The following SLC51B variants were observed in gnomAD, a reference collection of about 807,000 sequenced individuals.
SLC51B encodes organic solute transporter subunit beta.
SLC51B carries 6 observed loss-of-function variants against 8.0 expected under a neutral mutation model. That is an observed-to-expected ratio of 0.75 (90% confidence interval 0.41 to 1.48). The LOEUF (loss-of-function observed/expected upper bound fraction) is 1.48, where lower values mean the gene tolerates loss of function less well. Ranked by LOEUF, SLC51B falls within the 40% of genes most tolerant of loss-of-function variation. SLC51B has a pLI of 0.01. For synonymous variants in SLC51B, 61 were observed against 54.8 expected, an observed-to-expected ratio of 1.11 and a Z score of -0.50; for missense variants, 150 against 149.7, an observed-to-expected ratio of 1.00 and a Z score of -0.01.
chr15:65,048,379 C>G (rs1306494965), intron 1 of SLC51B, among the ~76,000 whole-genome samples: 2 of 152,094 alleles, frequency 1.3e-5, no homozygotes, highest in African/African-American at 4.8e-5. Flanking sequence ...CTAGAGGAAA[C>G]TCTGATGTAA....
chr15:65,046,402 G>C (rs1167641158), intron 1 of SLC51B, among the ~76,000 whole-genome samples: 1 of 152,146 alleles, frequency 6.6e-6, no homozygotes, highest in Non-Finnish European at 1.5e-5. Flanking sequence ...CCTGGGAGGT[G>C]GAGGTTGCAG....
intron 2 of SLC51B, 54 bp downstream of exon 2, chr15:65,050,155 CAG>C: frequency 7.0e-7 from 1 of 1,432,328 alleles, no homozygotes; most frequent in South Asian, 1.3e-5. Context: ...CAACACAGAG[CAG>C]AGTTTGGCTG....
chr15:65,051,904 C>T (rs1000552319), intron 3 of SLC51B, among the ~76,000 whole-genome samples: 11 of 152,340 alleles, frequency 7.2e-5, no homozygotes, highest in African/African-American at 2.6e-4. Context: ...TATCAGCACA[C>T]ATGCACCTCA....
chr15:65,047,215 A>G (rs544058319), intron 1 of SLC51B, among the ~76,000 whole-genome samples: 1 of 150,616 alleles, frequency 6.6e-6, no homozygotes, highest in African/African-American at 2.4e-5. Context: ...ACATGCCTGT[A>G]GTCCCAGCTA....
chr15:65,045,801 A>C (rs572378675), intron 1 of SLC51B, among the ~76,000 whole-genome samples: 86 of 152,272 alleles, frequency 5.6e-4, no homozygotes, highest in Non-Finnish European at 1.2e-3. Flanking sequence ...TAAGGCATAA[A>C]GTTTAATTTA....
rs866314542 is a variant in SLC51B at position 65,051,548 on chromosome 15, C to A, written c.131C>A (p.Ala44Glu). The A allele has an allele frequency of 1.2e-6, 2 of 1,613,774 alleles. No homozygotes were observed. Among genetic ancestry groups the A allele is most frequent in the Non-Finnish European group, 1.7e-6 (2 of 1,179,806 alleles). Residue 44 changes from alanine to glutamate, a missense_variant, in exon 3 of 4, where the codon GCA (alanine) becomes GAA (glutamate). Transcript: ENST00000334287. Reference sequence around the variant, plus strand: ...TGGAATCATTCCATCCTTGCCCTGGCAGCTGTGGTGGTCATTATAAGCATG... The same window carrying A: ...TGGAATCATTCCATCCTTGCCCTGGAAGCTGTGGTGGTCATTATAAGCATG... ...SPWNHSILAL[A>E]AVVVIISMVL... is the part of the protein sequence containing the mutation.
At chr15:65,052,023 C>T (rs1235315523) in intron 3 of SLC51B, among the ~76,000 whole-genome samples, 1 of 152,168 alleles carries the variant, frequency 6.6e-6, no homozygotes, top group Non-Finnish European at 1.5e-5. Context: ...TGGGTCCCTC[C>T]ACTATGGCCA....
At chr15:65,050,836 C>CCTTTTTTTTTTTTTTTTTT (rs2086642864) in intron 2 of SLC51B, among the ~76,000 whole-genome samples, 1 of 95,650 alleles carries the variant, frequency 1.0e-5, no homozygotes, top group Non-Finnish European at 1.9e-5. Flanking sequence ...TCTTCTTCTT[C>CCTTTTTTTTTTTTTTTTTT]TTTTTTTTTT....
At chr15:65,049,274 T>C (rs1413872586) in intron 1 of SLC51B, 1 of 149,224 alleles carries the variant, frequency 6.7e-6, no homozygotes, top group East Asian at 2.0e-4. Context: ...CCAGAGAGCA[T>C]GGATTCAAGT....
In SLC51B at chr15:65,053,364, A is replaced by C; in HGVS notation, c.*200A>C. 7.1e-7 allele frequency: 1 copy of C among 1,402,302 alleles called. No individual in the cohort carries two copies. The highest frequency in any genetic ancestry group is 9.2e-7 in the Non-Finnish European group (1 of 1,084,684). 86.9% of individuals were successfully genotyped at this position (1,402,302 alleles called of 1,614,324 possible). On this transcript the variant is annotated 3_prime_UTR_variant, in exon 4 of 4. Coordinates refer to ENST00000334287, the MANE Select transcript of SLC51B (RefSeq NM_178859.4). ...CTGTTATTAAAAAAAATCTTTTATT[A>C]AAATGCTCCTGGAAGGGAGCAGGTG...
chr15:65,048,821 C>T (rs1185894875), intron 1 of SLC51B, among the ~76,000 whole-genome samples: 1 of 151,984 alleles, frequency 6.6e-6, no homozygotes, highest in African/African-American at 2.4e-5. Flanking sequence ...CCAGCCTGGC[C>T]AACATGGTGA....
Position 65,053,365 on chromosome 15 carries a change from A to G in SLC51B, c.*201A>G, listed in dbSNP as rs149594598. On this transcript the variant is annotated 3_prime_UTR_variant, in exon 4 of 4. Transcript: ENST00000334287. The stretch of plus-strand genomic sequence containing the variant: ...TGTTATTAAAAAAAATCTTTTATTA[A>G]AATGCTCCTGGAAGGGAGCAGGTGG... The G allele has an allele frequency of 7.1e-7, 1 of 1,398,948 alleles. No homozygotes were observed. Among genetic ancestry groups the G allele is most frequent in the East Asian group, 2.7e-5 (1 of 37,046 alleles). The allele number at this position is 1,398,948 out of a possible 1,614,324, so 86.7% of individuals were successfully genotyped here.
At chr15:65,046,335 T>C (rs2086577049) in intron 1 of SLC51B, among the ~76,000 whole-genome samples, 1 of 151,992 alleles carries the variant, frequency 6.6e-6, no homozygotes, top group South Asian at 2.1e-4. Context: ...CTGGGCATGG[T>C]GGTGGATGCC....
Position 65,053,274 on chromosome 15 carries a change from TTTTC to T in SLC51B, c.*122_*125del, listed in dbSNP as rs914113158. Reference sequence around the variant, plus strand: ...CTCTCCCAAGAAGCCGCTTTTTTCTTTTTCTTTCTTTCTTTTTTTTTTTCTTAGC... The same window carrying T: ...CTCTCCCAAGAAGCCGCTTTTTTCTTTTTCTTTCTTTTTTTTTTTCTTAGC... On this transcript the variant is annotated 3_prime_UTR_variant, in exon 4 of 4. Coordinates refer to ENST00000334287, the MANE Select transcript of SLC51B (RefSeq NM_178859.4). 94 of 1,450,588 alleles carry T rather than the reference TTTTC, an allele frequency of 6.5e-5. No individual in the cohort carries two copies. Among genetic ancestry groups the T allele is most frequent in the Middle Eastern group, 2.2e-4 (1 of 4,578 alleles). The allele number at this position is 1,450,588 out of a possible 1,614,324, so 89.9% of individuals were successfully genotyped here.
chr15:65,048,430 G>C (rs899515240), intron 1 of SLC51B, among the ~76,000 whole-genome samples: 1 of 152,172 alleles, frequency 6.6e-6, no homozygotes, highest in Non-Finnish European at 1.5e-5. Context: ...CTGTCTGGCT[G>C]TTTGCCATCT....
chr15:65,051,575 T>A lies in SLC51B; in HGVS notation c.158T>A (p.Val53Asp), dbSNP rs1398608898. Residue 53 changes from valine to aspartate, a missense_variant, in exon 3 of 4, where the codon GTC becomes GAC. Transcript: ENST00000334287. The stretch of plus-strand genomic sequence containing the variant: ...GCTGTGGTGGTCATTATAAGCATGG[T>A]CCTCCTGGGAAGAAGCATCCAGGCA... ...LAAVVVIISM[V>D]LLGRSIQASR... 1 of 1,613,554 alleles carries A rather than the reference T, an allele frequency of 6.2e-7. No individual in the cohort carries two copies. Among genetic ancestry groups the A allele is most frequent in the South Asian group, 1.1e-5 (1 of 91,056 alleles).
At chr15:65,047,779 C>T (rs1566949847) in intron 1 of SLC51B, among the ~76,000 whole-genome samples, 1 of 141,942 alleles carries the variant, frequency 7.0e-6, no homozygotes, top group African/African-American at 2.7e-5. Flanking sequence ...GATAGATAGA[C>T]AGATAGATCG....
At chr15:65,047,336 CAAA>C (rs893014231) in intron 1 of SLC51B, among the ~76,000 whole-genome samples, 1 of 122,960 alleles carries the variant, frequency 8.1e-6, no homozygotes. Context: ...AACTCCATCT[CAAA>C]AAAAAAAAAA....
chr15:65,050,288 G>T (rs1228513760), intron 2 of SLC51B, among the ~76,000 whole-genome samples, 187 bp downstream of exon 2: 1 of 152,138 alleles, frequency 6.6e-6, no homozygotes, highest in East Asian at 1.9e-4. Context: ...CTTTTCTCAG[G>T]GTGTGGTCGC....
Sources: allele counts gnomAD v4.1 joint callset (sites outside exome capture counted in the v4.1 genomes callset), GRCh38; gene constraint gnomAD v4.1.1; transcripts MANE v1.5; gene names NCBI Gene and HGNC (gene_info 2026-07-23, HGNC 2026-07-21).